Variants in ADAM12 observed in about 807,000 individuals in gnomAD.
ADAM12 encodes ADAM metallopeptidase domain 12, also known as disintegrin and metalloproteinase domain-containing protein 12.
ADAM12 carries 70 observed loss-of-function variants against 106.4 expected under a neutral mutation model. The observed-to-expected ratio is 0.66, with a 90% CI of 0.54 to 0.80. The LOEUF (loss-of-function observed/expected upper bound fraction) is 0.80, where lower values mean the gene tolerates loss of function less well. Ranked by LOEUF, ADAM12 falls within the 30% of genes least tolerant of loss-of-function variation. ADAM12 has a pLI of 0.00. For missense variants in ADAM12, 1,010 were observed against 1,171.9 expected (o/e 0.86, Z 2.02); for synonymous variants, 420 against 433.5 (o/e 0.97, Z 0.39).
intron 2 of ADAM12, among the ~76,000 whole-genome samples, chr10:126,318,687 G>C (rs989063928): frequency 3.3e-5 from 5 of 152,058 alleles, no homozygotes; most frequent in African/African-American, 1.2e-4. Flanking sequence ...GGAACAATTT[G>C]AACAATAAAA....
intron 11 of ADAM12, among the ~76,000 whole-genome samples, chr10:126,088,208 G>A (rs760526312): frequency 2.6e-5 from 4 of 152,142 alleles, no homozygotes; most frequent in Non-Finnish European, 4.4e-5. Flanking sequence ...CTGAAGTCAA[G>A]GATCCTGCCT....
At chr10:126,171,732 G>A (rs528765831) in intron 3 of ADAM12, among the ~76,000 whole-genome samples, 6 of 152,338 alleles carry the variant, frequency 3.9e-5, no homozygotes, top group South Asian at 2.1e-4. Context: ...CTTCCCAGTC[G>A]TGGATCTGTT....
At chr10:126,152,244 A>G (rs1956741292) in intron 4 of ADAM12, among the ~76,000 whole-genome samples, 1 of 152,030 alleles carries the variant, frequency 6.6e-6, no homozygotes, top group South Asian at 2.1e-4. Flanking sequence ...TAGGAACCAA[A>G]CAAGTTTTAG....
intron 3 of ADAM12, among the ~76,000 whole-genome samples, chr10:126,164,131 T>C (rs1353406431): frequency 3.9e-5 from 6 of 152,218 alleles, no homozygotes; most frequent in Non-Finnish European, 8.8e-5. Flanking sequence ...AGTAAGAGAT[T>C]GGCATCAATT....
intron 3 of ADAM12, among the ~76,000 whole-genome samples, chr10:126,179,211 C>T (rs1022940037): frequency 3.3e-5 from 5 of 152,168 alleles, no homozygotes; most frequent in Admixed American, 6.5e-5. Flanking sequence ...TTAAGTGAAG[C>T]GGGTTAGCTG....
chr10:126,142,722 C>T (rs538478844), intron 4 of ADAM12, among the ~76,000 whole-genome samples: 2 of 152,348 alleles, frequency 1.3e-5, no homozygotes, highest in Non-Finnish European at 2.9e-5. Flanking sequence ...CTGGGTACCG[C>T]AGAGCCTCAT....
intron 3 of ADAM12, among the ~76,000 whole-genome samples, chr10:126,253,659 G>A (rs1360197642): frequency 6.6e-6 from 1 of 152,156 alleles, no homozygotes; most frequent in Non-Finnish European, 1.5e-5. Context: ...GACAGCTCCT[G>A]GACTCACTTT....
At chr10:126,326,653 G>T (rs1854314527) in intron 2 of ADAM12, among the ~76,000 whole-genome samples, 2 of 152,162 alleles carry the variant, frequency 1.3e-5, no homozygotes, top group African/African-American at 4.8e-5. Context: ...GGGCACAGCT[G>T]TCAGAGGTCA....
chr10:126,188,977 A>G (rs1957448833), intron 3 of ADAM12, among the ~76,000 whole-genome samples: 1 of 152,048 alleles, frequency 6.6e-6, no homozygotes, highest in South Asian at 2.1e-4. Context: ...CCATCCATCT[A>G]TCCATTCACC....
chr10:126,174,557 A>C (rs1436943781), intron 3 of ADAM12, among the ~76,000 whole-genome samples: 1 of 152,162 alleles, frequency 6.6e-6, no homozygotes, highest in Non-Finnish European at 1.5e-5. Context: ...GACAACTGGC[A>C]CACTGAAGAT....
At chr10:126,379,384 C>A (rs1282300698) in intron 1 of ADAM12, among the ~76,000 whole-genome samples, 1 of 152,184 alleles carries the variant, frequency 6.6e-6, no homozygotes, top group Non-Finnish European at 1.5e-5. Context: ...AGTTCATGTC[C>A]TTTGCAGGGA....
Position 126,071,671 on chromosome 10 carries a change from C to G in ADAM12, c.1146-17G>C, listed in dbSNP as rs752428665. The G allele has an allele frequency of 6.2e-7, 1 of 1,613,136 alleles. No homozygotes were observed. Among genetic ancestry groups the G allele is most frequent in the Non-Finnish European group, 8.5e-7 (1 of 1,179,270 alleles). The stretch of plus-strand genomic sequence containing the variant: ...AATGGGTACCTGAGAAAGGAGAGCC[C>G]AGAACAGTAAGTCACAGGGCATGGA... On this transcript the variant is annotated splice_polypyrimidine_tract_variant and intron_variant, in intron 11 of 22. Coordinates refer to ENST00000448723, the MANE Select transcript of ADAM12 (RefSeq NM_001288973.2).
chr10:126,179,995 A>G (rs1328753873), intron 3 of ADAM12, among the ~76,000 whole-genome samples: 1 of 152,152 alleles, frequency 6.6e-6, no homozygotes, highest in Non-Finnish European at 1.5e-5. Flanking sequence ...AAAAAACCCA[A>G]CGTATTCTTC....
rs1279957106 is a variant in ADAM12, at chr10:126,066,630, C to G, written c.1413+87G>C. ...GCTGTGGTGAGTGCTGGGAAACCTT[C>G]CAGCCACACTGCTTGCCCTGCATCA... On this transcript the variant is annotated intron_variant, in intron 13 of 22. Transcript: ENST00000448723. The surrounding 1 kb of genome is among the most constrained non-coding windows in gnomAD (Gnocchi z 5.1). The G allele has an allele frequency of 3.0e-6, 4 of 1,333,002 alleles. No individual in the cohort carries two copies. Among genetic ancestry groups the G allele is most frequent in the Non-Finnish European group, 4.3e-6 (4 of 930,672 alleles). 82.6% of individuals were successfully genotyped at this position (1,333,002 alleles called of 1,614,324 possible).
intron 2 of ADAM12, among the ~76,000 whole-genome samples, chr10:126,304,858 C>T (rs1960777769): frequency 1.3e-5 from 2 of 151,546 alleles, no homozygotes; most frequent in Non-Finnish European, 2.9e-5. Flanking sequence ...CATGAAATAT[C>T]AGGGAAATGT....
In ADAM12 at chr10:126,094,086, C is replaced by A; in HGVS notation, c.1044G>T (p.Glu348Asp). The A allele has an allele frequency of 6.2e-7, 1 of 1,614,164 alleles. No individual in the cohort carries two copies. Residue 348 changes from glutamate (E) to aspartate (D), a missense_variant, in exon 11 of 23, where the codon GAG becomes GAT. Around this residue, in one of 3 missense-constraint regions of ADAM12, gnomAD observed 391 missense variants for 442.9 expected, o/e 0.88. Transcript: ENST00000448723. ...GATTCATCCCGAAATTGTGGCCCAG[C>A]TCATGTGCCAGGGTCACGGCTGCAC... is the stretch of plus-strand genomic sequence containing the variant. ...PLGAAVTLAHELGHNFGMNHD... is the reference protein window; with the variant it reads ...PLGAAVTLAHDLGHNFGMNHD...
chr10:126,373,396 C>A (rs757417219), intron 1 of ADAM12, among the ~76,000 whole-genome samples: 5 of 152,234 alleles, frequency 3.3e-5, no homozygotes, highest in African/African-American at 7.2e-5. Context: ...ACATCTCACC[C>A]CTGCAGCTGC....
chr10:126,357,563 A>G (rs191407872), intron 1 of ADAM12, among the ~76,000 whole-genome samples: 1 of 152,330 alleles, frequency 6.6e-6, no homozygotes, highest in East Asian at 1.9e-4. Context: ...TGGGTAACTT[A>G]TAAAGCAAAG....
At chr10:126,184,897 C>A (rs1036786743) in intron 3 of ADAM12, among the ~76,000 whole-genome samples, 7 of 152,146 alleles carry the variant, frequency 4.6e-5, no homozygotes, top group African/African-American at 7.2e-5. Flanking sequence ...GGACTGGAAT[C>A]AAAACTTTAG....
Sources: allele counts gnomAD v4.1 joint callset (sites outside exome capture counted in the v4.1 genomes callset), GRCh38; gene constraint gnomAD v4.1.1; regional missense constraint gnomAD v4.1.1; non-coding constraint Gnocchi (gnomAD v3.1); transcripts MANE v1.5; gene names NCBI Gene and HGNC (gene_info 2026-07-23, HGNC 2026-07-21).